Variants in DIP2B observed in about 807,000 individuals in gnomAD.
DIP2B encodes the protein disco-interacting protein 2 homolog B.
A neutral mutation model predicts 198.0 loss-of-function variants in DIP2B; 76 were observed. The observed-to-expected ratio is 0.38, with a 90% CI of 0.32 to 0.46. The LOEUF (loss-of-function observed/expected upper bound fraction) is 0.46, where lower values mean the gene tolerates loss of function less well. Among genes scored for constraint, DIP2B ranks in the 20% least tolerant of loss-of-function variants. The pLI is 0.99. For synonymous variants in DIP2B, 701 were observed against 739.1 expected (o/e 0.95, Z 0.84); for missense variants, 1,559 against 1,978.4 (o/e 0.79, Z 4.02).
chr12:50,677,417 C>T (rs1938965293), intron 7 of DIP2B, among the ~76,000 whole-genome samples: 1 of 152,102 alleles, frequency 6.6e-6, no homozygotes. Flanking sequence ...GAGTTCAAGA[C>T]CAGCCTGGCC....
Position 50,685,834 on chromosome 12 carries a change from A to G in DIP2B, c.1319A>G (p.Asp440Gly), listed in dbSNP as rs777403943. 6.2e-7 allele frequency: 1 copy of G among 1,613,406 alleles called. No homozygotes were observed. Among genetic ancestry groups the G allele is most frequent in the South Asian group, 1.1e-5 (1 of 91,028 alleles). ...ATGTTCATTATCATTTCTCCACAGG[A>G]TGCTGGAGGTCAGCAGATTGGCTTC... ...VPIEVPLTRK[D>G]AGGQQIGFLL... The change falls in exon 11 of 38, where the codon GAT (aspartate) becomes GGT (glycine). Residue 440 changes from aspartate to glycine, a missense_variant and splice_region_variant. Asp to Gly is a moderately conservative substitution (Grantham distance 94, BLOSUM62 -1). Transcript: ENST00000301180.
At position 50,686,101 on chromosome 12, in the gene DIP2B, C is replaced by A. The variant is rs74856057; in HGVS notation, c.1441+145C>A. 4.0e-5 allele frequency: 35 copies of A among 869,130 alleles called. No individual in the cohort carries two copies. In the African/African-American group the frequency reaches 5.7e-4, roughly 14 times the overall value. 53.8% of individuals were successfully genotyped at this position (869,130 alleles called of 1,614,324 possible). A position where few individuals can be genotyped will look rare whatever the true frequency, so the allele number is the denominator to read the frequency against. ...TATGAAGTAGGTACCATTATTATCCCCATTTTACAAGTGAGGAAACTGAGA... is the reference window on the plus strand; with the variant it reads ...TATGAAGTAGGTACCATTATTATCCACATTTTACAAGTGAGGAAACTGAGA... On this transcript the variant is annotated intron_variant, in intron 11 of 37. Coordinates refer to ENST00000301180, the MANE Select transcript of DIP2B (RefSeq NM_173602.3).
At chr12:50,729,121 C>T (rs377110083) in intron 30 of DIP2B, among the ~76,000 whole-genome samples, 1 of 152,176 alleles carries the variant, frequency 6.6e-6, no homozygotes, top group South Asian at 2.1e-4. Flanking sequence ...ATACAGATCC[C>T]AGCTCCTCTC....
At chr12:50,611,138 AAG>A (rs950084456) in intron 1 of DIP2B, among the ~76,000 whole-genome samples, 11 of 152,208 alleles carry the variant, frequency 7.2e-5, no homozygotes, top group Non-Finnish European at 1.5e-4. Flanking sequence ...ACACAAATTA[AAG>A]AGAGAAAGGA....
Position 50,746,672 on chromosome 12 carries a change from G to A in DIP2B, c.*1833G>A, listed in dbSNP as rs1380869159. ...AATGAGGGAAGTCCTAGGATGGATA[G>A]AAAAAAAGCACTTACATTGGGGCAC... On this transcript the variant is annotated 3_prime_UTR_variant, in exon 38 of 38. Transcript: ENST00000301180. The A allele has an allele frequency of 1.3e-5, 2 of 152,108 alleles. No individual in the cohort carries two copies. The highest frequency in any genetic ancestry group is 4.8e-5 in the African/African-American group (2 of 41,418). 9.4% of individuals were successfully genotyped at this position (152,108 alleles called of 1,614,324 possible).
At chr12:50,527,125 C>G (rs1313795176) in intron 1 of DIP2B, among the ~76,000 whole-genome samples, 1 of 152,196 alleles carries the variant, frequency 6.6e-6, no homozygotes, top group Non-Finnish European at 1.5e-5. Flanking sequence ...CTTTTCTTGG[C>G]TACATTCCAT....
chr12:50,662,834 G>T (rs1170124099), intron 4 of DIP2B, among the ~76,000 whole-genome samples: 1 of 152,186 alleles, frequency 6.6e-6, no homozygotes, highest in African/African-American at 2.4e-5. Flanking sequence ...CCTAAAGCGG[G>T]GTACGGTGGC....
In DIP2B at chr12:50,691,094, C is replaced by T. The variant is rs1433658343; in HGVS notation, c.1597C>T (p.Arg533Trp). The change falls in exon 13 of 38, where the codon CGG (arginine) becomes TGG (tryptophan). Residue 533 changes from arginine to tryptophan, a missense_variant. Coordinates refer to ENST00000301180, the MANE Select transcript of DIP2B (RefSeq NM_173602.3). Reference sequence around the variant, plus strand: ...GAGTGTAATGGGAGTTACAGTATCCCGGCTTGCAATGTTGTCTCACTGCCA... The same window carrying T: ...GAGTGTAATGGGAGTTACAGTATCCTGGCTTGCAATGTTGTCTCACTGCCA... ...EGSVMGVTVSRLAMLSHCQAL... is the reference protein window; with the variant it reads ...EGSVMGVTVSWLAMLSHCQAL... The T allele has an allele frequency of 6.2e-7, 1 of 1,613,976 alleles. No individual in the cohort carries two copies. Among genetic ancestry groups the T allele is most frequent in the East Asian group, 2.2e-5 (1 of 44,886 alleles).
intron 23 of DIP2B, among the ~76,000 whole-genome samples, chr12:50,715,799 C>G (rs1287714151): frequency 6.6e-6 from 1 of 152,118 alleles, no homozygotes; most frequent in Non-Finnish European, 1.5e-5. Flanking sequence ...GTCTTTATTC[C>G]AGGCATGTGT....
In DIP2B at chr12:50,714,349, G is replaced by A. The variant is rs767542874; in HGVS notation, c.2650-46G>A. The A allele has an allele frequency of 3.7e-6, 6 of 1,606,202 alleles. No individual in the cohort carries two copies. In the Admixed American group the frequency reaches 5.0e-5, roughly 13 times the overall value. The stretch of plus-strand genomic sequence containing the variant: ...GGATTATACCAGGAATATGTCAAAT[G>A]TAATAGAAGTGATCTCACTGAGTAT... On this transcript the variant is annotated intron_variant, in intron 22 of 37. Coordinates refer to ENST00000301180, the MANE Select transcript of DIP2B (RefSeq NM_173602.3).
intron 1 of DIP2B, among the ~76,000 whole-genome samples, chr12:50,601,340 TG>T (rs201290577): frequency 2.7e-4 from 40 of 149,346 alleles, no homozygotes; most frequent in African/African-American, 9.0e-4. Flanking sequence ...TATATTTTTT[TG>T]TTTGTTTGTT....
intron 1 of DIP2B, among the ~76,000 whole-genome samples, chr12:50,575,560 A>C (rs900945669): frequency 4.6e-5 from 7 of 151,988 alleles, no homozygotes; most frequent in Admixed American, 4.6e-4. Context: ...AGGCCTGGCT[A>C]ATTTCTTATA....
chr12:50,732,279 C>T, intron 31 of DIP2B, 87 bp from the exon 32 acceptor site: 1 of 1,475,808 alleles, frequency 6.8e-7, no homozygotes. Context: ...TTGGCTTTTC[C>T]TGACCAAGGA....
intron 1 of DIP2B, among the ~76,000 whole-genome samples, chr12:50,513,685 C>T (rs1958038266): frequency 6.6e-6 from 1 of 152,086 alleles, no homozygotes; most frequent in African/African-American, 2.4e-5. Context: ...ACCAGCCTGG[C>T]TAACATGGTG....
intron 4 of DIP2B, among the ~76,000 whole-genome samples, chr12:50,668,391 T>TA (rs1938792919): frequency 6.6e-6 from 1 of 152,210 alleles, no homozygotes; most frequent in South Asian, 2.1e-4. Context: ...AGGTGGATCC[T>TA]AGAGTTTGAA....
intron 14 of DIP2B, among the ~76,000 whole-genome samples, chr12:50,694,477 A>G (rs1198750163): frequency 6.6e-6 from 1 of 151,814 alleles, no homozygotes; most frequent in African/African-American, 2.4e-5. Flanking sequence ...CCTGGGCAAC[A>G]GAGCAGGACT....
At chr12:50,646,994 A>G (rs1938361677) in intron 3 of DIP2B, among the ~76,000 whole-genome samples, 2 of 141,132 alleles carry the variant, frequency 1.4e-5, no homozygotes, top group South Asian at 4.3e-4. Flanking sequence ...AGATTGATAG[A>G]GAAGCATAGA....
At chr12:50,696,970 A>C in intron 16 of DIP2B, 91 bp from the exon 17 acceptor site, 1 of 928,690 alleles carries the variant, frequency 1.1e-6, no homozygotes, top group Admixed American at 2.5e-5. Flanking sequence ...CTCATGAGAA[A>C]TAAGTATGTC....
At chr12:50,601,353 GT>G (rs879274043) in intron 1 of DIP2B, among the ~76,000 whole-genome samples, 8 of 146,504 alleles carry the variant, frequency 5.5e-5, no homozygotes, top group Admixed American at 6.8e-5. Context: ...TTGTTTGTTT[GT>G]TTTTTTTTTA....
Sources: gnomAD v4.1 joint callset for allele counts (sites outside exome capture counted in the v4.1 genomes callset) on GRCh38, gnomAD v4.1.1 for gene constraint, MANE v1.5 for transcripts, NCBI Gene and HGNC (gene_info 2026-07-23, HGNC 2026-07-21) for gene names.